OR1L8: variants seen among roughly 807,000 people sequenced by gnomAD.
OR1L8 encodes the protein olfactory receptor 1L8.
For synonymous variants in OR1L8, 148 were observed against 147.0 expected (o/e 1.01, Z -0.05); for missense variants, 330 against 377.4 (o/e 0.87, Z 1.04).
chr9:122,553,042 C>A, the OR1L8 span: 1 of 707,604 alleles, frequency 1.4e-6, no homozygotes. Context: ...TATTTCCTTG[C>A]ATTCCCAGTG....
chr9:122,548,827 G>GTTGTTGTTT, the OR1L8 span, among the ~76,000 whole-genome samples: 4 of 141,874 alleles, frequency 2.8e-5, no homozygotes, highest in Admixed American at 3.1e-4. Context: ...TGTTGTTGTT[G>GTTGTTGTTT]TTGTTGAGCT....
At chr9:122,580,121 C>CCTGTCAGCAATAATGTA (rs1397911296) in intron 1 of OR1L8, among the ~76,000 whole-genome samples, 1 of 152,094 alleles carries the variant, frequency 6.6e-6, no homozygotes, top group African/African-American at 2.4e-5. Flanking sequence ...AAAGCAAATG[C>CCTGTCAGCAATAATGTA]CTGTCAGCAA....
the OR1L8 span, chr9:122,554,326 C>A: frequency 1.7e-6 from 1 of 600,582 alleles, no homozygotes; most frequent in South Asian, 2.1e-5. Flanking sequence ...TTTTATTAGG[C>A]TGTGGAATGA....
chr9:122,574,324 T>C (rs907101083), intron 3 of OR1L8, among the ~76,000 whole-genome samples: 4 of 152,214 alleles, frequency 2.6e-5, no homozygotes, highest in African/African-American at 9.6e-5. Flanking sequence ...ATATTGAGCC[T>C]TCTTATTCAT....
At chr9:122,555,133 C>CA in the OR1L8 span, among the ~76,000 whole-genome samples, 2 of 152,064 alleles carry the variant, frequency 1.3e-5, no homozygotes, top group East Asian at 1.9e-4. Context: ...AGGGTTGGCA[C>CA]AAAAAAATGT....
At chr9:122,558,203 A>G in the OR1L8 span, among the ~76,000 whole-genome samples, 1 of 107,896 alleles carries the variant, frequency 9.3e-6, no homozygotes, top group South Asian at 2.8e-4. Flanking sequence ...CTATTGTCCT[A>G]TTTTCAATTT....
intron 3 of OR1L8, among the ~76,000 whole-genome samples, chr9:122,575,899 T>G (rs1429640273): frequency 1.3e-5 from 2 of 152,146 alleles, no homozygotes; most frequent in Non-Finnish European, 2.9e-5. Flanking sequence ...ATTTTGTCCC[T>G]CCCCCTACCT....
chr9:122,555,868 A>G, the OR1L8 span, among the ~76,000 whole-genome samples: 8 of 152,322 alleles, frequency 5.3e-5, no homozygotes, highest in Middle Eastern at 3.4e-3. Flanking sequence ...ATTAGCCTCC[A>G]CTGACACATC....
chr9:122,556,666 C>A, the OR1L8 span, among the ~76,000 whole-genome samples: 1 of 152,028 alleles, frequency 6.6e-6, no homozygotes, highest in East Asian at 1.9e-4. Context: ...CACATGTATC[C>A]CAGAACTTAA....
Position 122,568,222 on chromosome 9 carries a change from A to T in OR1L8, c.256T>A (p.Phe86Ile). ...GAGATGGTCTTCTTTTCTGACAGGA[A>T]GTTCATCAGCATCTTGGGGACAACG... is the stretch of plus-strand genomic sequence containing the variant. The part of the protein sequence containing the change: ...TSVVPKMLMN[F>I]LSEKKTISYA... Residue 86 changes from phenylalanine to isoleucine, a missense_variant, in exon 5 of 5, where the codon TTC becomes ATC. By Grantham distance (21) the Phe-to-Ile change is conservative. Coordinates refer to ENST00000641027, the MANE Select transcript of OR1L8 (RefSeq NM_001004454.2). The T allele has an allele frequency of 1.2e-6, 2 of 1,614,180 alleles. No individual in the cohort carries two copies. The highest frequency in any genetic ancestry group is 1.6e-4 in the Middle Eastern group (1 of 6,062).
the OR1L8 span, among the ~76,000 whole-genome samples, chr9:122,548,599 A>G: frequency 6.6e-6 from 1 of 151,608 alleles, no homozygotes; most frequent in Non-Finnish European, 1.5e-5. Flanking sequence ...TTATATATAT[A>G]TATTTTTATT....
chr9:122,547,732 G>A, the OR1L8 span, among the ~76,000 whole-genome samples: 18 of 151,866 alleles, frequency 1.2e-4, no homozygotes, highest in East Asian at 3.5e-3. Context: ...CTTTGCTATT[G>A]TGGATAGTGC....
intron 4 of OR1L8, among the ~76,000 whole-genome samples, chr9:122,570,878 C>T (rs768316871): frequency 9.9e-5 from 15 of 151,888 alleles, no homozygotes; most frequent in African/African-American, 1.7e-4. Context: ...CACTAAATTC[C>T]GTAATAAGGA....
At chr9:122,569,279 A>G (rs1158821857) in intron 4 of OR1L8, among the ~76,000 whole-genome samples, 1 of 152,188 alleles carries the variant, frequency 6.6e-6, no homozygotes, top group Non-Finnish European at 1.5e-5. Flanking sequence ...TTTGTACAGA[A>G]TAAGCACCCA....
the OR1L8 span, among the ~76,000 whole-genome samples, chr9:122,561,307 T>C: frequency 6.6e-6 from 1 of 152,312 alleles, no homozygotes. Flanking sequence ...CAGCAGAGTT[T>C]GTTATTACCC....
chr9:122,582,944 A>T (rs1359558541), intron 1 of OR1L8, among the ~76,000 whole-genome samples: 1 of 152,140 alleles, frequency 6.6e-6, no homozygotes, highest in Non-Finnish European at 1.5e-5. Flanking sequence ...AGAGAATTAA[A>T]TAAAAAATAG....
the OR1L8 span, chr9:122,553,126 C>T: frequency 3.5e-5 from 50 of 1,415,330 alleles, 2 homozygotes; most frequent in South Asian, 6.2e-4. Flanking sequence ...TCTGGCCACA[C>T]AGATGCATAT....
chr9:122,566,454 A>G (rs549934941), downstream of OR1L8, among the ~76,000 whole-genome samples: 1 of 152,110 alleles, frequency 6.6e-6, no homozygotes, highest in South Asian at 2.1e-4. Flanking sequence ...TAATGTTTTA[A>G]TGTAATGGAT....
At chr9:122,555,612 A>T in the OR1L8 span, among the ~76,000 whole-genome samples, 113 of 152,318 alleles carry the variant, frequency 7.4e-4, no homozygotes, top group Non-Finnish European at 1.2e-3. Flanking sequence ...ATATATAAAG[A>T]TATCTACCTC....
Sources: gnomAD v4.1 joint callset for allele counts (sites outside exome capture counted in the v4.1 genomes callset) on GRCh38, gnomAD v4.1.1 for gene constraint, MANE v1.5 for transcripts, NCBI Gene and HGNC (gene_info 2026-07-23, HGNC 2026-07-21) for gene names.